RTN4RL1: variants seen among roughly 807,000 people sequenced by gnomAD.
RTN4RL1 encodes the protein reticulon-4 receptor-like 1.
Under a neutral mutation model 25.6 loss-of-function variants are expected in RTN4RL1, and 7 were observed. That is an observed-to-expected ratio of 0.27 (90% CI 0.16 to 0.51). RTN4RL1 has a LOEUF of 0.51. Among genes scored for constraint, RTN4RL1 ranks in the 20% least tolerant of loss-of-function variants. The pLI, the probability that RTN4RL1 is intolerant of heterozygous loss-of-function variation, is 0.97. For missense variants in RTN4RL1, 500 were observed against 615.6 expected (o/e 0.81, Z 1.99); for synonymous variants, 297 against 288.2 (o/e 1.03, Z -0.31).
intron 1 of RTN4RL1, chr17:2,018,822 CAGTG>C (rs2067161156): frequency 6.6e-6 from 1 of 152,586 alleles, no homozygotes; most frequent in Non-Finnish European, 1.5e-5. Context: ...GGAGCACACT[CAGTG>C]AGGCTGTAAC....
intron 1 of RTN4RL1, among the ~76,000 whole-genome samples, chr17:1,992,225 G>C (rs577370453): frequency 3.3e-5 from 5 of 152,066 alleles, no homozygotes; most frequent in South Asian, 2.1e-4. Context: ...TTAGCCGGGC[G>C]TGGTGGCGGG....
chr17:1,994,655 G>A lies in RTN4RL1; in HGVS notation c.13+30198C>T, dbSNP rs915671707. Among the ~76,000 whole-genome samples, 2 of 152,134 alleles carry A rather than the reference G, an allele frequency of 1.3e-5. No homozygotes were observed. The highest frequency in any genetic ancestry group is 2.9e-5 in the Non-Finnish European group (2 of 68,030). On this transcript the variant is annotated intron_variant, in intron 1 of 1. Transcript: ENST00000331238. The surrounding 1 kb of genome is among the most constrained non-coding windows in gnomAD (Gnocchi z 4.3). The stretch of plus-strand genomic sequence containing the variant: ...CAGCCAGGCCTGGATTCCAATCCCA[G>A]CTCCGCCACTGACAGGCCCGGTGAC...
chr17:1,950,846 CAAAAAAAA>C (rs61660812), intron 1 of RTN4RL1, among the ~76,000 whole-genome samples: 19 of 17,786 alleles, frequency 1.1e-3, no homozygotes, highest in South Asian at 3.4e-3. Context: ...ACACAGTCTC[CAAAAAAAA>C]AAAAAAAAAA....
At chr17:2,004,301 G>T (rs576402815) in intron 1 of RTN4RL1, among the ~76,000 whole-genome samples, 1 of 141,242 alleles carries the variant, frequency 7.1e-6, no homozygotes, top group African/African-American at 2.7e-5. Flanking sequence ...CTGGGAGGCG[G>T]AACTTGGAGT....
At chr17:1,939,347 C>T (rs1384313259) in intron 1 of RTN4RL1, among the ~76,000 whole-genome samples, 5 of 137,698 alleles carry the variant, frequency 3.6e-5, no homozygotes, top group African/African-American at 1.4e-4. Context: ...AGCGAAACTC[C>T]GTCTCAATAA....
intron 1 of RTN4RL1, among the ~76,000 whole-genome samples, chr17:1,993,974 CAAG>C (rs1022972111): frequency 3.4e-4 from 52 of 152,174 alleles, no homozygotes; most frequent in African/African-American, 1.2e-3. Context: ...AGCAATTTCC[CAAG>C]AAGAACTCAT....
intron 1 of RTN4RL1, among the ~76,000 whole-genome samples, chr17:1,978,263 A>T (rs2151315487): frequency 6.6e-6 from 1 of 152,290 alleles, no homozygotes; most frequent in African/African-American, 2.4e-5. Flanking sequence ...CGACCCGTGC[A>T]AGCGGCCTCC....
In RTN4RL1 at chr17:1,935,484, C is replaced by T. The variant is rs533697315; in HGVS notation, c.*1012G>A. 490 of 942,666 alleles carry T rather than the reference C, an allele frequency of 5.2e-4. No individual in the cohort carries two copies. Among genetic ancestry groups the T allele is most frequent in the Middle Eastern group, 1.1e-3 (2 of 1,822 alleles). 58.4% of individuals were successfully genotyped at this position (942,666 alleles called of 1,614,324 possible). On this transcript the variant is annotated 3_prime_UTR_variant, in exon 2 of 2. Transcript: ENST00000331238. The stretch of plus-strand genomic sequence containing the variant: ...CCAAAGTGACTCTTGCTGCCTCCCC[C>T]TTCCTCACCGTCCCGCCGACACCTT...
intron 1 of RTN4RL1, among the ~76,000 whole-genome samples, chr17:1,941,857 T>C (rs1915445315): frequency 6.6e-6 from 1 of 152,100 alleles, no homozygotes; most frequent in Non-Finnish European, 1.5e-5. Context: ...TCTTGGACGG[T>C]CCCCCTGCTG....
chr17:2,018,852 A>C (rs1038132128), intron 1 of RTN4RL1: 33 of 152,434 alleles, frequency 2.2e-4, no homozygotes, highest in African/African-American at 7.5e-4. Context: ...CTCAGTAAAC[A>C]CAAGCGGCTA....
chr17:1,943,950 C>T (rs920555357), intron 1 of RTN4RL1, among the ~76,000 whole-genome samples: 3 of 151,774 alleles, frequency 2.0e-5, no homozygotes, highest in South Asian at 2.1e-4. Flanking sequence ...TTTTAAGACA[C>T]GGTCTTGCTC....
intron 1 of RTN4RL1, among the ~76,000 whole-genome samples, chr17:1,999,822 ACCTCCCTCCCGGCTTTT>A (rs2066948660): frequency 6.6e-6 from 1 of 152,164 alleles, no homozygotes; most frequent in South Asian, 2.1e-4. Context: ...ATAAATAGCC[ACCTCCCTCCCGGCTTTT>A]CCTGCCCTCC....
chr17:2,021,774 C>T (rs367697684), intron 1 of RTN4RL1, among the ~76,000 whole-genome samples: 42 of 150,052 alleles, frequency 2.8e-4, no homozygotes, highest in East Asian at 2.2e-3. Flanking sequence ...AGGCTGGTCT[C>T]GAACTCCTGA....
At chr17:1,965,673 C>A (rs979621800) in intron 1 of RTN4RL1, among the ~76,000 whole-genome samples, 7 of 152,088 alleles carry the variant, frequency 4.6e-5, no homozygotes, top group African/African-American at 1.7e-4. Context: ...AGAGTTGGCT[C>A]AAGGTAGAGG....
intron 1 of RTN4RL1, among the ~76,000 whole-genome samples, chr17:1,975,106 A>T (rs1415953843): frequency 2.0e-5 from 3 of 152,196 alleles, no homozygotes; most frequent in Admixed American, 1.3e-4. Context: ...CTCTCAGCAC[A>T]CGGCTCTGAT....
intron 1 of RTN4RL1, among the ~76,000 whole-genome samples, chr17:1,981,949 C>T (rs1033751520): frequency 1.3e-5 from 2 of 152,252 alleles, no homozygotes; most frequent in African/African-American, 4.8e-5. Flanking sequence ...TACAAACCTG[C>T]ACAGCACGTG....
At chr17:1,954,419 G>A (rs560988128) in intron 1 of RTN4RL1, among the ~76,000 whole-genome samples, 150 of 124,032 alleles carry the variant, frequency 1.2e-3, no homozygotes, top group African/African-American at 4.6e-3. Context: ...ATGGAGTCTC[G>A]CTCTTGCCAC....
chr17:2,000,771 C>A (rs556175262), intron 1 of RTN4RL1, among the ~76,000 whole-genome samples: 4 of 152,260 alleles, frequency 2.6e-5, no homozygotes, highest in African/African-American at 9.6e-5. Flanking sequence ...CCGCCCAGCT[C>A]AGCCTCCCGA....
intron 1 of RTN4RL1, among the ~76,000 whole-genome samples, chr17:2,014,813 C>T (rs2067099005): frequency 6.7e-6 from 1 of 148,914 alleles, no homozygotes; most frequent in Non-Finnish European, 1.5e-5. Context: ...GCCTGGACGA[C>T]AGGGAAGGAC....
Sources: gnomAD v4.1 joint callset for allele counts (sites outside exome capture counted in the v4.1 genomes callset) on GRCh38, gnomAD v4.1.1 for gene constraint, Gnocchi (gnomAD v3.1) non-coding constraint, MANE v1.5 for transcripts, NCBI Gene and HGNC (gene_info 2026-07-23, HGNC 2026-07-21) for gene names.